SLC25A21: variants seen among roughly 807,000 people sequenced by gnomAD.
The protein encoded by SLC25A21 is mitochondrial 2-oxodicarboxylate carrier.
Under a neutral mutation model 43.8 loss-of-function variants are expected in SLC25A21, and 47 were observed. The ratio of observed to expected loss-of-function variants is 1.07; its 90% CI spans 0.85 to 1.37. The LOEUF is 1.37. Among genes scored for constraint, SLC25A21 ranks in the 40% most tolerant of loss-of-function variants. The probability of loss-of-function intolerance (pLI) is 0.00; values close to 1 mark genes in which losing one functional copy is unlikely to be tolerated. For missense variants in SLC25A21, 352 were observed against 350.2 expected (o/e 1.00, Z -0.04); for synonymous variants, 131 against 121.3 (o/e 1.08, Z -0.52).
chr14:36,821,565 C>T (rs1566647231), intron 2 of SLC25A21, among the ~76,000 whole-genome samples: 1 of 152,000 alleles, frequency 6.6e-6, no homozygotes, highest in Non-Finnish European at 1.5e-5. Context: ...ACCTGTAATC[C>T]CACCACTTTG....
Position 37,086,718 on chromosome 14 carries a change from T to C in SLC25A21, c.70+85563A>G, listed in dbSNP as rs141568637. Among the ~76,000 whole-genome samples the C allele has an allele frequency of 5.4e-3, 823 of 152,298 alleles. 8 individuals are homozygous for C. Among genetic ancestry groups the C allele is most frequent in the Non-Finnish European group, 9.2e-3 (624 of 68,018 alleles). ...TAATAGTACCCACATCAAGAGATGG[T>C]GATAATTGAATGAGTTAATCCATGT... is the stretch of plus-strand genomic sequence containing the variant. On this transcript the variant is annotated intron_variant, in intron 1 of 9. Coordinates refer to ENST00000331299, the MANE Select transcript of SLC25A21 (RefSeq NM_030631.4).
At chr14:36,913,109 ATTTC>A (rs1263054872) in intron 1 of SLC25A21, among the ~76,000 whole-genome samples, 1 of 62,518 alleles carries the variant, frequency 1.6e-5, no homozygotes, top group Non-Finnish European at 3.1e-5. Flanking sequence ...TTTTCTTTTC[ATTTC>A]AAAGGTGTTT....
intron 1 of SLC25A21, among the ~76,000 whole-genome samples, chr14:36,891,267 A>G (rs1891064672): frequency 6.6e-6 from 1 of 152,184 alleles, no homozygotes; most frequent in Admixed American, 6.6e-5. Flanking sequence ...GTCTGAAAAC[A>G]TATATGAATA....
chr14:36,837,234 A>G (rs1889239347), intron 2 of SLC25A21, among the ~76,000 whole-genome samples: 1 of 152,036 alleles, frequency 6.6e-6, no homozygotes, highest in African/African-American at 2.4e-5. Context: ...AGGAGACTGG[A>G]GAACACTGAG....
At chr14:36,991,480 T>G (rs1048260618) in intron 1 of SLC25A21, among the ~76,000 whole-genome samples, 2 of 152,170 alleles carry the variant, frequency 1.3e-5, no homozygotes, top group African/African-American at 4.8e-5. Context: ...TGGAGCCCTG[T>G]GCTCAACTAT....
At chr14:37,056,266 G>A (rs1462656070) in intron 1 of SLC25A21, among the ~76,000 whole-genome samples, 3 of 151,964 alleles carry the variant, frequency 2.0e-5, no homozygotes, top group Admixed American at 6.6e-5. Flanking sequence ...CGAGGCGGGC[G>A]GATCATAAGG....
intron 2 of SLC25A21, among the ~76,000 whole-genome samples, chr14:36,856,450 T>C (rs1889901078): frequency 1.3e-5 from 2 of 152,168 alleles, no homozygotes; most frequent in Admixed American, 6.5e-5. Context: ...ATGGTGATTC[T>C]GGAGACTGCT....
chr14:37,092,546 C>CCCT (rs1387989804), intron 1 of SLC25A21, among the ~76,000 whole-genome samples: 2 of 152,124 alleles, frequency 1.3e-5, no homozygotes, highest in Non-Finnish European at 2.9e-5. Flanking sequence ...CCCTAAGCCA[C>CCCT]AGGGATTTCT....
At position 37,095,759 on chromosome 14, in the gene SLC25A21, C is replaced by T. The variant is rs566624067; in HGVS notation, c.70+76522G>A. Among the ~76,000 whole-genome samples, 8 of 150,920 alleles carry T rather than the reference C, an allele frequency of 5.3e-5. No homozygotes were observed. The South Asian group carries it at 1.7e-3, about 32-fold the overall frequency. Reference sequence around the variant, plus strand: ...TAAAAAAGTTAGCCAAGTGAGATATCCTGTCTTTAAAAAAATGTATATATG... The same window carrying T: ...TAAAAAAGTTAGCCAAGTGAGATATTCTGTCTTTAAAAAAATGTATATATG... On this transcript the variant is annotated intron_variant, in intron 1 of 9. Transcript: ENST00000331299.
intron 6 of SLC25A21, among the ~76,000 whole-genome samples, chr14:36,724,619 C>G (rs998830081): frequency 2.0e-5 from 3 of 152,204 alleles, no homozygotes; most frequent in South Asian, 2.1e-4. Flanking sequence ...ACAAGAACAG[C>G]TGGATTTGGC....
At chr14:36,922,361 A>C (rs1446518215) in intron 1 of SLC25A21, among the ~76,000 whole-genome samples, 1 of 152,096 alleles carries the variant, frequency 6.6e-6, no homozygotes, top group South Asian at 2.1e-4. Context: ...AGAAATTGGA[A>C]GCAATTTCTA....
At chr14:36,812,788 A>C (rs1218455502) in intron 3 of SLC25A21, among the ~76,000 whole-genome samples, 1 of 152,122 alleles carries the variant, frequency 6.6e-6, no homozygotes, top group Non-Finnish European at 1.5e-5. Context: ...CGTGGGCTTT[A>C]GGGTCAAGCA....
At chr14:37,097,422 G>C (rs1344146984) in intron 1 of SLC25A21, among the ~76,000 whole-genome samples, 1 of 151,994 alleles carries the variant, frequency 6.6e-6, no homozygotes, top group African/African-American at 2.4e-5. Context: ...TTGCGTTAAG[G>C]GTTGTTCAAA....
chr14:36,904,549 T>G (rs1216725928), intron 1 of SLC25A21, among the ~76,000 whole-genome samples: 1 of 152,208 alleles, frequency 6.6e-6, no homozygotes, highest in East Asian at 1.9e-4. Context: ...TTCTCACACT[T>G]CTGTAAAGAT....
chr14:37,147,403 T>C lies in SLC25A21; in HGVS notation c.70+24878A>G, dbSNP rs10459480. On this transcript the variant is annotated intron_variant, in intron 1 of 9. Coordinates refer to ENST00000331299, the MANE Select transcript of SLC25A21 (RefSeq NM_030631.4). Reference sequence around the variant, plus strand: ...TTCAAATGGCCCTCCTGGTCTTGTCTGTCACCCTTTCCTTCTTGGCTGCTG... The same window carrying C: ...TTCAAATGGCCCTCCTGGTCTTGTCCGTCACCCTTTCCTTCTTGGCTGCTG... Among the ~76,000 whole-genome samples the C allele has an allele frequency of 0.016, 2,473 of 152,268 alleles. 184 individuals are homozygous for C. The East Asian group carries it at 0.26, about 16-fold the overall frequency.
intron 1 of SLC25A21, among the ~76,000 whole-genome samples, chr14:37,152,078 G>A (rs1963768384): frequency 6.6e-6 from 1 of 152,082 alleles, no homozygotes; most frequent in Admixed American, 6.6e-5. Flanking sequence ...AAAGTAAGAT[G>A]CTTTGCACAT....
rs974516902 is a variant in SLC25A21, at chr14:36,678,872, A to C, written c.*1786T>G. 2.1e-6 allele frequency: 2 copies of C among 971,522 alleles called. No individual in the cohort carries two copies. Among genetic ancestry groups the C allele is most frequent in the African/African-American group, 3.5e-5 (2 of 57,088 alleles). The allele number at this position is 971,522 out of a possible 1,614,324, so 60.2% of individuals were successfully genotyped here. On this transcript the variant is annotated 3_prime_UTR_variant, in exon 10 of 10. Transcript: ENST00000331299. ...TAAAAGATATCAGATACAATTTGCTATTCAAAGAAAATTATGATTTAAAGC... is the reference window on the plus strand; with the variant it reads ...TAAAAGATATCAGATACAATTTGCTCTTCAAAGAAAATTATGATTTAAAGC...
intron 2 of SLC25A21, among the ~76,000 whole-genome samples, chr14:36,848,524 C>T (rs1178602176): frequency 1.3e-5 from 2 of 152,130 alleles, no homozygotes; most frequent in South Asian, 2.1e-4. Flanking sequence ...CGGAACTCTT[C>T]GCAGCATTTA....
chr14:37,092,936 C>T (rs1962617291), intron 1 of SLC25A21, among the ~76,000 whole-genome samples: 1 of 152,038 alleles, frequency 6.6e-6, no homozygotes, highest in Non-Finnish European at 1.5e-5. Context: ...CACACACACG[C>T]ACATACGGGG....
Sources: allele counts gnomAD v4.1 joint callset (sites outside exome capture counted in the v4.1 genomes callset), GRCh38; gene constraint gnomAD v4.1.1; transcripts MANE v1.5; gene names NCBI Gene and HGNC (gene_info 2026-07-23, HGNC 2026-07-21).